The following NIN variants were observed in gnomAD, a reference collection of about 807,000 sequenced individuals.
NIN encodes the protein ninein, also known as glycogen synthase kinase 3 beta-interacting protein.
In NIN, 137 loss-of-function variants were observed where a neutral mutation model predicts 257.6. The observed-to-expected ratio is 0.53, with a 90% CI of 0.46 to 0.61. The LOEUF (loss-of-function observed/expected upper bound fraction) is 0.61. Ranked by LOEUF, NIN falls within the 20% of genes least tolerant of loss-of-function variation. NIN has a pLI of 0.00. For synonymous variants in NIN, 918 were observed against 919.8 expected (o/e 1.00, Z 0.04); for missense variants, 2,439 against 2,501.2 (o/e 0.98, Z 0.53).
chr14:50,772,924 G>A, intron 8 of NIN, 25 bp downstream of exon 8: 2 of 1,592,424 alleles, frequency 1.3e-6, no homozygotes, highest in Non-Finnish European at 1.7e-6. Context: ...TATTCACAAA[G>A]AAAGCACTTC....
chr14:50,762,336 G>A (rs1426449924), intron 15 of NIN, among the ~76,000 whole-genome samples: 3 of 152,024 alleles, frequency 2.0e-5, no homozygotes, highest in Non-Finnish European at 4.4e-5. Flanking sequence ...GAAAATGAAC[G>A]GCCAGCATAC....
chr14:50,783,606 A>C (rs1595862816), intron 5 of NIN, among the ~76,000 whole-genome samples: 1 of 151,968 alleles, frequency 6.6e-6, no homozygotes, highest in Admixed American at 6.6e-5. Context: ...AAGAGGGAGA[A>C]AAGCACAGGG....
chr14:50,743,280 T>C, intron 24 of NIN, 136 bp downstream of exon 24: 1 of 629,836 alleles, frequency 1.6e-6, no homozygotes, highest in Non-Finnish European at 2.8e-6. Flanking sequence ...TAAACACACA[T>C]CAAACATTGG....
chr14:50,744,263 A>G lies in NIN; in HGVS notation c.5167T>C (p.Leu1723=). Residue 1723 remains leucine, a synonymous_variant, in exon 23 of 31, where the codon TTA becomes CTA. Transcript: ENST00000530997. The part of the protein sequence containing the change: ...LKEKEALSEE[L]NSCVDKLAKS... ...ACTACCTTATCGACACAGCTATTTA[A>G]TTCCTCACTCAGAGCTTCCTTTTCT... 1 of 1,614,034 alleles carries G rather than the reference A, an allele frequency of 6.2e-7. No homozygotes were observed. Among genetic ancestry groups the G allele is most frequent in the Non-Finnish European group, 8.5e-7 (1 of 1,179,928 alleles).
intron 4 of NIN, among the ~76,000 whole-genome samples, chr14:50,795,344 C>T (rs922179561): frequency 1.3e-5 from 2 of 152,170 alleles, no homozygotes. Context: ...TAACATGATA[C>T]GATGGGAACA....
At chr14:50,804,869 C>A (rs779328008) in intron 4 of NIN, among the ~76,000 whole-genome samples, 3 of 152,106 alleles carry the variant, frequency 2.0e-5, no homozygotes, top group Non-Finnish European at 4.4e-5. Flanking sequence ...TGTGTTGGGC[C>A]GCATTCAAAA....
At chr14:50,798,419 C>A (rs541720019) in intron 4 of NIN, among the ~76,000 whole-genome samples, 1 of 152,144 alleles carries the variant, frequency 6.6e-6, no homozygotes, top group African/African-American at 2.4e-5. Flanking sequence ...GTTACCACCC[C>A]CCGAAGGTGC....
intron 3 of NIN, among the ~76,000 whole-genome samples, chr14:50,811,887 G>A (rs1208753596): frequency 2.6e-5 from 4 of 151,692 alleles, no homozygotes; most frequent in East Asian, 3.9e-4. Context: ...CCAGCTACTC[G>A]GGAGGCTGAA....
At chr14:50,739,538 G>C in intron 25 of NIN, 51 bp from the exon 26 acceptor site, 2 of 1,559,882 alleles carry the variant, frequency 1.3e-6, no homozygotes, top group Non-Finnish European at 1.7e-6. Flanking sequence ...TTGGGTAATT[G>C]CTGTTTTGAG....
intron 20 of NIN, among the ~76,000 whole-genome samples, chr14:50,753,038 T>C (rs2041861227): frequency 6.6e-6 from 1 of 152,164 alleles, no homozygotes; most frequent in African/African-American, 2.4e-5. Context: ...TACAGATTCT[T>C]TTCTTCTCTT....
chr14:50,829,751 G>C (rs543411054), intron 2 of NIN, among the ~76,000 whole-genome samples: 24 of 152,290 alleles, frequency 1.6e-4, no homozygotes, highest in Admixed American at 4.6e-4. Context: ...CTTCACCTCG[G>C]GTTGTCAGGG....
chr14:50,727,645 T>A (rs1566773185), intron 29 of NIN: 1 of 1,443,832 alleles, frequency 6.9e-7, no homozygotes, highest in Non-Finnish European at 9.4e-7. Context: ...GGTGTGTGCA[T>A]CTGTCTGCCA....
Position 50,719,894 on chromosome 14 carries a change from T to TACA in NIN, c.*3566_*3568dup, listed in dbSNP as rs1566765428. 4.8e-6 allele frequency: 1 copy of TACA among 207,986 alleles called. No individual in the cohort carries two copies. Among genetic ancestry groups the TACA allele is most frequent in the Non-Finnish European group, 9.8e-6 (1 of 101,996 alleles). 12.9% of individuals were successfully genotyped at this position (207,986 alleles called of 1,614,324 possible). ...AGGATAGAATGGCTAAGATGAAATA[T>TACA]ACAAAGCTGATATAAACACAGAACT... On this transcript the variant is annotated 3_prime_UTR_variant, in exon 31 of 31. Transcript: ENST00000530997.
In NIN at chr14:50,792,733, G is replaced by C; in HGVS notation, c.414C>G (p.Ile138Met). ...TTACCTCACTGCAGTCACCGGCTGG[G>C]ATGTGTGAAGGCCGCGCTTCTTCAT... Reference protein sequence around the residue: ...PLDEEARPSHIPAGDCSEHWK... With the variant: ...PLDEEARPSHMPAGDCSEHWK... The change falls in exon 5 of 31, where the codon ATC becomes ATG. Residue 138 changes from isoleucine to methionine, a missense_variant. Physicochemically the swap from Ile to Met is conservative, Grantham distance 10. This residue lies in a region of NIN where 387 missense variants were observed against 427.3 expected (regional missense o/e 0.91). Coordinates refer to ENST00000530997, the MANE Select transcript of NIN (RefSeq NM_020921.4). 1 of 1,614,194 alleles carries C rather than the reference G, an allele frequency of 6.2e-7. No homozygotes were observed. Among genetic ancestry groups the C allele is most frequent in the Non-Finnish European group, 8.5e-7 (1 of 1,180,036 alleles).
chr14:50,817,179 A>G (rs1595932957), intron 3 of NIN, among the ~76,000 whole-genome samples: 1 of 152,160 alleles, frequency 6.6e-6, no homozygotes, highest in African/African-American at 2.4e-5. Flanking sequence ...CAAATCAGAG[A>G]CAACCAGTCT....
chr14:50,815,261 C>T (rs969683190), intron 3 of NIN, among the ~76,000 whole-genome samples: 4 of 152,164 alleles, frequency 2.6e-5, no homozygotes, highest in African/African-American at 9.7e-5. Context: ...CAAAAGTAGA[C>T]ATTCATGCAG....
rs2042503070 is a variant in NIN, at chr14:50,766,713, C to T, written c.1545+67G>A. ...ATAAAAATGTTCTGGTGGCATTGCT[C>T]CTGTTCTTTTGAGTAAACTACATAA... On this transcript the variant is annotated intron_variant, in intron 13 of 30. Coordinates refer to ENST00000530997, the MANE Select transcript of NIN (RefSeq NM_020921.4). 7.3e-6 allele frequency: 8 copies of T among 1,101,750 alleles called. No individual in the cohort carries two copies. In the South Asian group the frequency reaches 1.0e-4, roughly 14 times the overall value. 68.2% of individuals were successfully genotyped at this position (1,101,750 alleles called of 1,614,324 possible). A position where few individuals can be genotyped will look rare whatever the true frequency, so the allele number is the denominator to read the frequency against.
rs1054983465 is a variant in NIN at position 50,817,628 on chromosome 14, T to C, written c.183+4246A>G. Reference sequence around the variant, plus strand: ...CTCACTTTATAGTGTGCCAGGGACATAGGGTATTTCAGCATCCAAATTCAT... The same window carrying C: ...CTCACTTTATAGTGTGCCAGGGACACAGGGTATTTCAGCATCCAAATTCAT... On this transcript the variant is annotated intron_variant, in intron 3 of 30. Coordinates refer to ENST00000530997, the MANE Select transcript of NIN (RefSeq NM_020921.4). 2.6e-5 allele frequency among the ~76,000 whole-genome samples: 4 copies of C among 152,236 alleles called. No individual in the cohort carries two copies. The East Asian group carries it at 5.8e-4, about 22-fold the overall frequency.
At chr14:50,765,077 A>AT (rs1485256504) in intron 14 of NIN, among the ~76,000 whole-genome samples, 4 of 149,430 alleles carry the variant, frequency 2.7e-5, no homozygotes, top group Admixed American at 6.6e-5. Flanking sequence ...AAAAAAAAAA[A>AT]AAAAAAAAAA....
Sources: allele counts gnomAD v4.1 joint callset (sites outside exome capture counted in the v4.1 genomes callset), GRCh38; gene constraint gnomAD v4.1.1; regional missense constraint gnomAD v4.1.1; transcripts MANE v1.5; gene names NCBI Gene and HGNC (gene_info 2026-07-23, HGNC 2026-07-21).